Variants in FLT1 observed in about 807,000 individuals in gnomAD.
FLT1 encodes the protein vascular endothelial growth factor receptor 1.
FLT1 carries 49 observed loss-of-function variants against 156.3 expected under a neutral mutation model. That is an observed-to-expected ratio of 0.31 (90% CI 0.25 to 0.40). The LOEUF (loss-of-function observed/expected upper bound fraction) is 0.40. FLT1 is among the 10% of genes least tolerant of loss of function. FLT1 has a pLI of 1.00. For missense variants in FLT1, 1,322 were observed against 1,637.2 expected, an observed-to-expected ratio of 0.81 and a Z score of 3.32; for synonymous variants, 594 against 583.8, an observed-to-expected ratio of 1.02 and a Z score of -0.25.
At chr13:28,453,188 A>G in intron 3 of FLT1, among the ~76,000 whole-genome samples, 1 of 148,768 alleles carries the variant, frequency 6.7e-6, no homozygotes, top group South Asian at 2.1e-4. Context: ...CAATGCTGCC[A>G]TCTCAGCTCA....
In FLT1 at chr13:28,439,987, T is replaced by C. The variant is rs1878247403; in HGVS notation, c.389-1642A>G. ...CAGCAGTGTGGAATGGAGGCACAGA[T>C]GTGAGCTCTAGAGAGACCCTTTCAC... On this transcript the variant is annotated intron_variant, in intron 3 of 29. Coordinates refer to ENST00000282397, the MANE Select transcript of FLT1 (RefSeq NM_002019.4). The surrounding 1 kb of genome is among the most constrained non-coding windows in gnomAD (Gnocchi z 4.1). Among the ~76,000 whole-genome samples, 1 of 152,226 alleles carries C rather than the reference T, an allele frequency of 6.6e-6. No individual in the cohort carries two copies. The highest frequency in any genetic ancestry group is 1.5e-5 in the Non-Finnish European group (1 of 68,046).
At chr13:28,380,106 A>T (rs1351932108) in intron 14 of FLT1, among the ~76,000 whole-genome samples, 2 of 152,218 alleles carry the variant, frequency 1.3e-5, no homozygotes, top group Non-Finnish European at 2.9e-5. Context: ...TCTAAAGGAC[A>T]CACAGTTTAT....
chr13:28,475,365 A>T (rs527294453), intron 1 of FLT1, among the ~76,000 whole-genome samples: 4 of 152,258 alleles, frequency 2.6e-5, no homozygotes, highest in Admixed American at 1.3e-4. Flanking sequence ...TTGATTTTGC[A>T]TACTGTGTTT....
intron 13 of FLT1, chr13:28,386,346 T>G: frequency 2.0e-6 from 2 of 1,002,572 alleles, no homozygotes; most frequent in Non-Finnish European, 2.4e-6. Flanking sequence ...ATAACATTGT[T>G]GAAGTAGTAT....
In FLT1 at chr13:28,300,916, CATT is replaced by C. The variant is rs1303260329; in HGVS notation, c.*2248_*2250del. ...ATGAACAAGCACTTTGTAACTAGCT[CATT>C]ATTACAAGTCTCCATTTTTCTTTCT... is the stretch of plus-strand genomic sequence containing the variant. On this transcript the variant is annotated 3_prime_UTR_variant, in exon 30 of 30. Transcript: ENST00000282397. The C allele has an allele frequency of 4.3e-6, 1 of 232,958 alleles. No individual in the cohort carries two copies. Among genetic ancestry groups the C allele is most frequent in the African/African-American group, 2.2e-5 (1 of 45,334 alleles). The allele number at this position is 232,958 out of a possible 1,614,324, so 14.4% of individuals were successfully genotyped here. A position where few individuals can be genotyped will look rare whatever the true frequency, so the allele number is the denominator to read the frequency against.
chr13:28,420,172 T>C (rs1051585287), intron 10 of FLT1, among the ~76,000 whole-genome samples: 1 of 152,216 alleles, frequency 6.6e-6, no homozygotes, highest in Non-Finnish European at 1.5e-5. Flanking sequence ...TTAAGCAGCA[T>C]GCACTTCCTC....
At chr13:28,366,683 C>T (rs1028161402) in intron 14 of FLT1, among the ~76,000 whole-genome samples, 1 of 152,046 alleles carries the variant, frequency 6.6e-6, no homozygotes, top group African/African-American at 2.4e-5. Context: ...GTTGGCCATG[C>T]AGGTCTTGAA....
At chr13:28,401,954 C>T (rs757856175) in intron 11 of FLT1, among the ~76,000 whole-genome samples, 2 of 152,128 alleles carry the variant, frequency 1.3e-5, no homozygotes, top group Non-Finnish European at 2.9e-5. Flanking sequence ...TTTTCTAACA[C>T]GGGGTTCCTT....
At position 28,384,867 on chromosome 13, in the gene FLT1, GA is replaced by G. The variant is rs150158702; in HGVS notation, c.2116+17del. ...GAAAGATGAGAAATAATAAATGGAA[GA>G]AAAAAAAGTCTCTTACCAGGCTCTT... On this transcript the variant is annotated intron_variant, in intron 14 of 29. Coordinates refer to ENST00000282397, the MANE Select transcript of FLT1 (RefSeq NM_002019.4). 928 of 1,611,170 alleles carry G rather than the reference GA, an allele frequency of 5.8e-4. 2 individuals are homozygous for G. The highest frequency in any genetic ancestry group is 1.7e-3 in the African/African-American group (125 of 74,820).
intron 1 of FLT1, among the ~76,000 whole-genome samples, chr13:28,490,595 G>A (rs1019176993): frequency 2.6e-5 from 4 of 152,104 alleles, no homozygotes; most frequent in African/African-American, 4.8e-5. Context: ...GGAACCACCA[G>A]TGATCCTGGA....
At chr13:28,347,769 C>A (rs1299395407) in intron 15 of FLT1, among the ~76,000 whole-genome samples, 1 of 152,138 alleles carries the variant, frequency 6.6e-6, no homozygotes, top group Non-Finnish European at 1.5e-5. Context: ...TTCTAAGGAC[C>A]AACATGTATT....
intron 1 of FLT1, 29 bp downstream of exon 1, chr13:28,494,751 T>G (rs1434234064): frequency 1.3e-6 from 2 of 1,536,372 alleles, no homozygotes; most frequent in Non-Finnish European, 1.7e-6. Context: ...GCAGCCCGCC[T>G]CAGGCCCCGG....
At chr13:28,320,729 G>T (rs537491036) in intron 23 of FLT1, among the ~76,000 whole-genome samples, 2 of 152,116 alleles carry the variant, frequency 1.3e-5, no homozygotes, top group Non-Finnish European at 2.9e-5. Context: ...AGAAACTCTG[G>T]GGGGTGGAAG....
intron 19 of FLT1, among the ~76,000 whole-genome samples, chr13:28,329,395 A>C (rs1281838031): frequency 6.6e-6 from 1 of 152,200 alleles, no homozygotes; most frequent in East Asian, 1.9e-4. Context: ...GAGATCAAAA[A>C]GGGAGTCCTC....
intron 18 of FLT1, among the ~76,000 whole-genome samples, chr13:28,333,466 A>G (rs1038705284): frequency 2.6e-5 from 4 of 152,232 alleles, no homozygotes; most frequent in East Asian, 3.8e-4. Context: ...TCTACCTCCC[A>G]GTGCTTCACA....
In FLT1 at chr13:28,467,554, A is replaced by G. The variant is rs749507400; in HGVS notation, c.128T>C (p.Met43Thr). 6.2e-7 allele frequency: 1 copy of G among 1,611,400 alleles called. No individual in the cohort carries two copies. Among genetic ancestry groups the G allele is most frequent in the Non-Finnish European group, 8.5e-7 (1 of 1,178,608 alleles). The change falls in exon 2 of 30, where the codon ATG becomes ACG. Residue 43 changes from methionine (M) to threonine (T), a missense_variant. This residue lies in a region of FLT1 where 991 missense variants were observed against 1,254.8 expected (regional missense o/e 0.79). Transcript: ENST00000282397. ...ELSLKGTQHIMQAGQTLHLQC... is the reference protein window; with the variant it reads ...ELSLKGTQHITQAGQTLHLQC... ...GAGATGCAGTGTCTGGCCTGCTTGCATGATGTGCTGGGTGCCTTTTAAACT... is the reference window on the plus strand; with the variant it reads ...GAGATGCAGTGTCTGGCCTGCTTGCGTGATGTGCTGGGTGCCTTTTAAACT...
rs1224855124 is a variant in FLT1 at position 28,473,777 on chromosome 13, G to GGAAAGAAAGAAA, written c.65-6172_65-6161dup. Among the ~76,000 whole-genome samples the GGAAAGAAAGAAA allele has an allele frequency of 7.8e-4, 50 of 63,780 alleles. 2 individuals are homozygous for GGAAAGAAAGAAA. Among genetic ancestry groups the GGAAAGAAAGAAA allele is most frequent in the Middle Eastern group, 6.7e-3 (1 of 150 alleles). The allele number at this position is 63,780 out of a possible 152,430, so 41.8% of individuals were successfully genotyped here. On this transcript the variant is annotated intron_variant, in intron 1 of 29. Transcript: ENST00000282397. ...AGGAAGGAAGGAAGGAAGGAAGGAA[G>GGAAAGAAAGAAA]GAAAGAAAGAAAGAAAGAAAGAAAG...
At chr13:28,331,356 G>A (rs533156779) in intron 18 of FLT1, among the ~76,000 whole-genome samples, 56 of 152,346 alleles carry the variant, frequency 3.7e-4, no homozygotes, top group African/African-American at 1.3e-3. Context: ...TCAGGCATGG[G>A]TGTAAGGCCC....
At chr13:28,308,710 C>T in intron 28 of FLT1, 133 bp downstream of exon 28, 1 of 717,478 alleles carries the variant, frequency 1.4e-6, no homozygotes, top group South Asian at 1.5e-5. Context: ...CCTCCCCACA[C>T]TGTCATTTCA....
Sources: gnomAD v4.1 joint callset for allele counts (sites outside exome capture counted in the v4.1 genomes callset) on GRCh38, gnomAD v4.1.1 for gene constraint, gnomAD v4.1.1 regional missense constraint, Gnocchi (gnomAD v3.1) non-coding constraint, MANE v1.5 for transcripts, NCBI Gene and HGNC (gene_info 2026-07-23, HGNC 2026-07-21) for gene names.